The following ABLIM1 variants were observed in gnomAD, a reference collection of about 807,000 sequenced individuals.
The protein encoded by ABLIM1 is actin-binding LIM protein 1.
Under a neutral mutation model 107.0 loss-of-function variants are expected in ABLIM1, and 40 were observed. The observed-to-expected ratio is 0.37, with a 90% CI of 0.29 to 0.49. The LOEUF (loss-of-function observed/expected upper bound fraction) is 0.49, where lower values mean the gene tolerates loss of function less well. Ranked by LOEUF, ABLIM1 falls within the 20% of genes least tolerant of loss-of-function variation. The pLI is 0.97. For synonymous variants in ABLIM1, 357 were observed against 357.3 expected (o/e 1.00, Z 0.01); for missense variants, 857 against 1,008.5 (o/e 0.85, Z 2.04).
intron 1 of ABLIM1, among the ~76,000 whole-genome samples, chr10:114,701,217 G>T (rs983844057): frequency 4.6e-5 from 7 of 152,086 alleles, no homozygotes; most frequent in African/African-American, 1.7e-4. Flanking sequence ...TGAGGTAAAT[G>T]CAAAGTAAAA....
intron 4 of ABLIM1, among the ~76,000 whole-genome samples, chr10:114,551,392 AT>A (rs1281265268): frequency 6.6e-6 from 1 of 152,272 alleles, no homozygotes. Context: ...CCTGCAGCCA[AT>A]CAGAGGCTGA....
upstream of ABLIM1, among the ~76,000 whole-genome samples, chr10:114,768,291 C>T (rs2082956019): frequency 6.8e-6 from 1 of 146,512 alleles, no homozygotes; most frequent in South Asian, 2.1e-4. Context: ...AGCGCTGACA[C>T]CCGCGGCCGC....
chr10:114,652,426 G>A (rs542337649), intron 1 of ABLIM1, among the ~76,000 whole-genome samples: 3 of 152,170 alleles, frequency 2.0e-5, no homozygotes, highest in African/African-American at 7.2e-5. Context: ...TACCCAAGAG[G>A]TTCTCTCACT....
intron 2 of ABLIM1, among the ~76,000 whole-genome samples, chr10:114,591,438 A>G (rs1201778806): frequency 6.6e-6 from 1 of 152,240 alleles, no homozygotes; most frequent in Non-Finnish European, 1.5e-5. Context: ...ATCTGTAGAA[A>G]CAAATATTAA....
chr10:114,506,940 G>A (rs1179819212), intron 6 of ABLIM1, among the ~76,000 whole-genome samples: 1 of 152,206 alleles, frequency 6.6e-6, no homozygotes, highest in Non-Finnish European at 1.5e-5. Context: ...TGCTCTGTGG[G>A]TAGTTGATGC....
At chr10:114,672,979 C>A (rs780304003) in intron 1 of ABLIM1, among the ~76,000 whole-genome samples, 1 of 151,984 alleles carries the variant, frequency 6.6e-6, no homozygotes, top group Non-Finnish European at 1.5e-5. Context: ...AAAAATCAGC[C>A]GGGCTCAGTG....
chr10:114,555,453 A>G (rs1443183662), intron 4 of ABLIM1, among the ~76,000 whole-genome samples: 1 of 152,226 alleles, frequency 6.6e-6, no homozygotes, highest in Non-Finnish European at 1.5e-5. Flanking sequence ...TTTGATGCTT[A>G]CAGGACTGCT....
In ABLIM1 at chr10:114,432,823, A is replaced by G. The variant is rs976018963; in HGVS notation, c.*3437T>C. The G allele has an allele frequency of 3.3e-5, 5 of 152,144 alleles. No individual in the cohort carries two copies. The highest frequency in any genetic ancestry group is 6.5e-5 in the Admixed American group (1 of 15,276). The allele number at this position is 152,144 out of a possible 1,614,324, so 9.4% of individuals were successfully genotyped here. A position where few individuals can be genotyped will look rare whatever the true frequency, so the allele number is the denominator to read the frequency against. ...AAAAAAACAACAACTCATTAACTCTATCTCTTTGAGGTTTTGGAGAACAGG... is the reference window on the plus strand; with the variant it reads ...AAAAAAACAACAACTCATTAACTCTGTCTCTTTGAGGTTTTGGAGAACAGG... On this transcript the variant is annotated 3_prime_UTR_variant, in exon 23 of 23. Coordinates refer to ENST00000533213, the MANE Select transcript of ABLIM1 (RefSeq NM_002313.7).
chr10:114,649,742 C>T (rs73362058), intron 1 of ABLIM1, among the ~76,000 whole-genome samples: 6,302 of 152,172 alleles, frequency 0.041, 389 homozygotes, highest in African/African-American at 0.14. Flanking sequence ...CACGTATTCA[C>T]CTTATATTAC....
At chr10:114,729,303 C>A (rs1025626031) in intron 1 of ABLIM1, among the ~76,000 whole-genome samples, 1 of 152,076 alleles carries the variant, frequency 6.6e-6, no homozygotes, top group African/African-American at 2.4e-5. Context: ...CATGCTGGCC[C>A]TTCCACTCAG....
rs752448677 is a variant in ABLIM1 at position 114,730,792 on chromosome 10, CT to C, written c.-213+37268del. 9.2e-5 allele frequency among the ~76,000 whole-genome samples: 14 copies of C among 152,162 alleles called. No homozygotes were observed. In the East Asian group the frequency reaches 1.4e-3, roughly 15 times the overall value. On this transcript the variant is annotated intron_variant, in intron 1 of 15. Coordinates refer to the ABLIM1 transcript ENST00000651092. ...ATATTTCATCACACCAAAATAAAAC[CT>C]TGTGTCCATTTGCAGTCACTCCTCA...
chr10:114,438,109 T>A (rs558248059), intron 21 of ABLIM1, among the ~76,000 whole-genome samples, 185 bp from the exon 22 acceptor site: 95 of 152,252 alleles, frequency 6.2e-4, no homozygotes, highest in African/African-American at 2.0e-3. Context: ...AGGGACAGAA[T>A]CTTAGACATT....
At position 114,492,028 on chromosome 10, in the gene ABLIM1, C is replaced by T. The variant is rs978841523; in HGVS notation, c.895-150G>A. Reference sequence around the variant, plus strand: ...ACCAAACTTCCTACACCAACAGCCCCGGAAGCTAAAGCCAACTTCACTGAA... The same window carrying T: ...ACCAAACTTCCTACACCAACAGCCCTGGAAGCTAAAGCCAACTTCACTGAA... On this transcript the variant is annotated intron_variant, in intron 6 of 22. Transcript: ENST00000533213. The T allele has an allele frequency of 8.4e-6, 5 of 596,564 alleles. No individual in the cohort carries two copies. The African/African-American group carries it at 9.4e-5, about 11-fold the overall frequency. The allele number at this position is 596,564 out of a possible 1,614,324, so 37.0% of individuals were successfully genotyped here.
At chr10:114,563,589 C>T (rs2070134110) in intron 4 of ABLIM1, among the ~76,000 whole-genome samples, 1 of 151,920 alleles carries the variant, frequency 6.6e-6, no homozygotes, top group Non-Finnish European at 1.5e-5. Context: ...AATCCCAGCA[C>T]TTTGGGAAGC....
intron 1 of ABLIM1, among the ~76,000 whole-genome samples, chr10:114,725,735 ATGTGTGTGTGTGTGTGTG>A (rs3981295): frequency 7.0e-6 from 1 of 142,266 alleles, no homozygotes; most frequent in Admixed American, 7.2e-5. Context: ...TATATATAAA[ATGTGTGTGTGTGTGTGTG>A]TGTGTGTGTG....
At chr10:114,443,280 A>T (rs2060464521) in intron 17 of ABLIM1, among the ~76,000 whole-genome samples, 1 of 151,860 alleles carries the variant, frequency 6.6e-6, no homozygotes, top group East Asian at 1.9e-4. Flanking sequence ...TATCAAAAAC[A>T]CTGTTCATCC....
At chr10:114,565,826 G>A (rs1489574633) in intron 4 of ABLIM1, among the ~76,000 whole-genome samples, 2 of 125,124 alleles carry the variant, frequency 1.6e-5, no homozygotes, top group Admixed American at 9.2e-5. Context: ...ACAGAGTCTC[G>A]ATCTGTCGCC....
At chr10:114,535,691 G>A (rs577248880) in intron 6 of ABLIM1, among the ~76,000 whole-genome samples, 3 of 152,288 alleles carry the variant, frequency 2.0e-5, no homozygotes, top group South Asian at 2.1e-4. Flanking sequence ...AGGTAGATGT[G>A]TGTATGTGAA....
chr10:114,626,586 ACTCT>A (rs1322334264), intron 1 of ABLIM1, among the ~76,000 whole-genome samples: 1 of 150,146 alleles, frequency 6.7e-6, no homozygotes. Flanking sequence ...ACCACTAGAA[ACTCT>A]CTCCCATCCA....
Sources: gnomAD v4.1 joint callset for allele counts (sites outside exome capture counted in the v4.1 genomes callset) on GRCh38, gnomAD v4.1.1 for gene constraint, MANE v1.5 for transcripts, NCBI Gene and HGNC (gene_info 2026-07-23, HGNC 2026-07-21) for gene names.